PLCB1: variants seen among roughly 807,000 people sequenced by gnomAD.
PLCB1 encodes phospholipase C beta 1.
Under a neutral mutation model 161.8 loss-of-function variants are expected in PLCB1, and 46 were observed. That is an observed-to-expected ratio of 0.28 (90% CI 0.22 to 0.36). PLCB1 has a LOEUF of 0.36. Among genes scored for constraint, PLCB1 ranks in the 10% least tolerant of loss-of-function variants. PLCB1 has a pLI of 1.00. For missense variants in PLCB1, 1,016 were observed against 1,472.5 expected (o/e 0.69, Z 5.07); for synonymous variants, 517 against 503.7 (o/e 1.03, Z -0.35).
At chr20:8,669,692 T>C (rs1355953018) in intron 9 of PLCB1, among the ~76,000 whole-genome samples, 1 of 152,154 alleles carries the variant, frequency 6.6e-6, no homozygotes, top group Admixed American at 6.5e-5. Flanking sequence ...TGAAGGCATC[T>C]GAAGAGGAAA....
chr20:8,404,447 G>C (rs989811262), intron 3 of PLCB1, among the ~76,000 whole-genome samples: 2 of 152,198 alleles, frequency 1.3e-5, no homozygotes, highest in African/African-American at 4.8e-5. Context: ...AACTGAAAAT[G>C]AGATTAGAAA....
intron 3 of PLCB1, among the ~76,000 whole-genome samples, chr20:8,374,985 C>A (rs1233012040): frequency 1.3e-5 from 2 of 152,078 alleles, no homozygotes; most frequent in African/African-American, 4.8e-5. Flanking sequence ...ATAACATTTA[C>A]AGGAAATGGA....
At chr20:8,622,950 G>C (rs536926882) in intron 3 of PLCB1, among the ~76,000 whole-genome samples, 2 of 152,296 alleles carry the variant, frequency 1.3e-5, no homozygotes, top group South Asian at 4.1e-4. Context: ...TCCCAGCTCT[G>C]AAGCTGTCTC....
intron 31 of PLCB1, among the ~76,000 whole-genome samples, chr20:8,860,457 C>T (rs958651779): frequency 3.3e-5 from 5 of 152,176 alleles, no homozygotes; most frequent in African/African-American, 1.2e-4. Flanking sequence ...ATGACTAGCT[C>T]GTGTTATTAT....
At chr20:8,854,225 A>G (rs1986987167) in intron 31 of PLCB1, among the ~76,000 whole-genome samples, 1 of 152,098 alleles carries the variant, frequency 6.6e-6, no homozygotes, top group Admixed American at 6.5e-5. Context: ...ACTACCACCC[A>G]ACAGGGTGGG....
intron 31 of PLCB1, chr20:8,802,525 T>G (rs1984333042): frequency 4.6e-6 from 1 of 215,594 alleles, no homozygotes. Flanking sequence ...TTGGAAACAT[T>G]TTTTTTTCCA....
chr20:8,262,691 G>A (rs1333212599), intron 2 of PLCB1, among the ~76,000 whole-genome samples: 1 of 152,156 alleles, frequency 6.6e-6, no homozygotes, highest in East Asian at 1.9e-4. Flanking sequence ...ATCATAGACG[G>A]AGTGGCTTAA....
chr20:8,853,690 G>T (rs1986966599), intron 31 of PLCB1, among the ~76,000 whole-genome samples: 1 of 152,186 alleles, frequency 6.6e-6, no homozygotes, highest in Admixed American at 6.5e-5. Context: ...AAGGGTAACT[G>T]CCTCTAAATT....
intron 1 of PLCB1, among the ~76,000 whole-genome samples, chr20:8,134,999 T>TAAGGTTGCCTTTCTC (rs1411019132): frequency 6.6e-6 from 1 of 152,170 alleles, no homozygotes; most frequent in Non-Finnish European, 1.5e-5. Context: ...CAGCCTTTCT[T>TAAGGTTGCCTTTCTC]AAGGTTGCCT....
At chr20:8,277,327 GTC>G (rs34473787) in intron 2 of PLCB1, among the ~76,000 whole-genome samples, 11,221 of 151,988 alleles carry the variant, frequency 0.074, 512 homozygotes, top group East Asian at 0.19. Context: ...AGCATCCTAA[GTC>G]TGGATTATTT....
At chr20:8,496,329 C>CAAAAAAAAAAA (rs71331309) in intron 3 of PLCB1, among the ~76,000 whole-genome samples, 1 of 91,998 alleles carries the variant, frequency 1.1e-5, no homozygotes, top group Non-Finnish European at 2.4e-5. Context: ...CCCATCTCTG[C>CAAAAAAAAAAA]AAAAAAAAAA....
Position 8,763,378 on chromosome 20 carries a change from T to TTTTA in PLCB1, c.2711-1740_2711-1737dup, listed in dbSNP as rs535363380. ...CACCACACCTGGCTAATTTTTGCAT[T>TTTTA]TTTATTTATTTATTTATTTATTTAG... is the stretch of plus-strand genomic sequence containing the variant. On this transcript the variant is annotated intron_variant, in intron 25 of 31. Coordinates refer to ENST00000338037, the MANE Select transcript of PLCB1 (RefSeq NM_015192.4). 2.7e-3 allele frequency among the ~76,000 whole-genome samples: 406 copies of TTTTA among 151,798 alleles called. 1 individual carries two copies. Among genetic ancestry groups the TTTTA allele is most frequent in the Non-Finnish European group, 4.3e-3 (293 of 67,950 alleles).
intron 3 of PLCB1, among the ~76,000 whole-genome samples, chr20:8,449,197 G>A (rs1381312236): frequency 6.6e-6 from 1 of 152,294 alleles, no homozygotes. Flanking sequence ...CCTATATCAA[G>A]CATTTTATAT....
intron 2 of PLCB1, among the ~76,000 whole-genome samples, chr20:8,184,520 T>C (rs1233873878): frequency 1.3e-5 from 2 of 152,134 alleles, no homozygotes; most frequent in Middle Eastern, 3.4e-3. Context: ...TTGTTAGTTA[T>C]ATTATTTTTA....
At chr20:8,540,642 T>TA (rs1401619885) in intron 3 of PLCB1, among the ~76,000 whole-genome samples, 1 of 149,386 alleles carries the variant, frequency 6.7e-6, no homozygotes, top group Non-Finnish European at 1.5e-5. Context: ...AGTTTTCCTT[T>TA]AAAATGTTTC....
At position 8,132,696 on chromosome 20, in the gene PLCB1, C is replaced by A. The variant is rs540174506; in HGVS notation, c.45C>A (p.Pro15=). The change falls in exon 1 of 32, where the codon CCC becomes CCA. Residue 15 remains proline (P), a synonymous_variant. Transcript: ENST00000338037. The surrounding 1 kb of genome is among the most constrained non-coding windows in gnomAD (Gnocchi z 5.2). ...GAGTGCACGCCTTGCAACTCAAGCC[C>A]GTGTGCGTGTCCGACAGCCTCAAGA... ...QPGVHALQLK[P]VCVSDSLKKG... is the part of the protein sequence containing the mutation. The A allele has an allele frequency of 9.9e-6, 16 of 1,612,960 alleles. No individual in the cohort carries two copies. The South Asian group carries it at 1.5e-4, about 16-fold the overall frequency.
At chr20:8,137,505 G>T (rs570987213) in intron 1 of PLCB1, among the ~76,000 whole-genome samples, 4 of 152,324 alleles carry the variant, frequency 2.6e-5, no homozygotes, top group South Asian at 2.1e-4. Context: ...TGTCCAAAGA[G>T]CTTTGAGAAT....
At chr20:8,353,021 T>C (rs1986231707) in intron 2 of PLCB1, among the ~76,000 whole-genome samples, 1 of 152,116 alleles carries the variant, frequency 6.6e-6, no homozygotes, top group African/African-American at 2.4e-5. Context: ...AATAACACTT[T>C]GGTATCAATG....
chr20:8,515,940 A>C (rs903757447), intron 3 of PLCB1, among the ~76,000 whole-genome samples: 5 of 152,204 alleles, frequency 3.3e-5, no homozygotes, highest in Admixed American at 6.5e-5. Context: ...TGGATTCTAC[A>C]TGGCTGGGGA....
Sources: allele counts gnomAD v4.1 joint callset (sites outside exome capture counted in the v4.1 genomes callset), GRCh38; gene constraint gnomAD v4.1.1; non-coding constraint Gnocchi (gnomAD v3.1); transcripts MANE v1.5; gene names NCBI Gene and HGNC (gene_info 2026-07-23, HGNC 2026-07-21).